Variants in RABL2B observed in about 807,000 individuals in gnomAD.
RABL2B encodes the protein RAB, member of RAS oncogene family like 2B, also known as rab-like protein 2B.
A neutral mutation model predicts 26.7 loss-of-function variants in RABL2B; 17 were observed. That is an observed-to-expected ratio of 0.64 (90% CI 0.44 to 0.95). The LOEUF (loss-of-function observed/expected upper bound fraction) is 0.95. Ranked by LOEUF, RABL2B falls within the 40% of genes least tolerant of loss-of-function variation. The pLI is 0.00. For synonymous variants in RABL2B, 70 were observed against 103.9 expected (o/e 0.67, Z 1.99); for missense variants, 170 against 277.2 (o/e 0.61, Z 2.75).
chr22:50,776,261 C>T (rs1266482708), intron 4 of RABL2B, among the ~76,000 whole-genome samples: 7 of 152,292 alleles, frequency 4.6e-5, no homozygotes, highest in Admixed American at 1.3e-4. Context: ...GATTATGACC[C>T]GATGGAAGGT....
intron 2 of RABL2B, among the ~76,000 whole-genome samples, chr22:50,778,948 C>A (rs1236175905): frequency 6.7e-6 from 1 of 149,678 alleles, no homozygotes; most frequent in Non-Finnish European, 1.5e-5. Context: ...GAAACAGCAC[C>A]CTTACTATAA....
At chr22:50,782,692 CCA>C (rs1569202127) in intron 1 of RABL2B, 1 of 279,778 alleles carries the variant, frequency 3.6e-6, no homozygotes, top group Non-Finnish European at 7.2e-6. Context: ...GAGAATGTAA[CCA>C]CAGTCCAGAC....
chr22:50,773,463 T>C (rs556197666), intron 5 of RABL2B, among the ~76,000 whole-genome samples: 3 of 152,176 alleles, frequency 2.0e-5, no homozygotes, highest in Admixed American at 6.5e-5. Context: ...CACGTGTGTC[T>C]TTCCACCTGG....
chr22:50,777,897 C>T lies in RABL2B; in HGVS notation c.137+55G>A, dbSNP rs368936526. On this transcript the variant is annotated intron_variant, in intron 3 of 8. Coordinates refer to ENST00000691320, the MANE Select transcript of RABL2B (RefSeq NM_001130919.3). Reference sequence around the variant, plus strand: ...AGGTGTGGGCAGTGGGACACTGATACATGAGCGTGGGAAGACCCACAGGAA... The same window carrying T: ...AGGTGTGGGCAGTGGGACACTGATATATGAGCGTGGGAAGACCCACAGGAA... 2.5e-6 allele frequency: 4 copies of T among 1,613,580 alleles called. No individual in the cohort carries two copies. In the African/African-American group the frequency reaches 4.0e-5, roughly 16 times the overall value.
chr22:50,777,523 G>A (rs1220984182), intron 3 of RABL2B: 1 of 279,022 alleles, frequency 3.6e-6, no homozygotes, highest in Non-Finnish European at 6.9e-6. Context: ...ACAATTCATG[G>A]GAGAAAGGTG....
chr22:50,769,605 T>C, intron 6 of RABL2B, 53 bp from the exon 7 acceptor site: 1 of 1,611,622 alleles, frequency 6.2e-7, no homozygotes, highest in Non-Finnish European at 8.5e-7. Context: ...GGGAAGAAGG[T>C]TTGGAGGGGG....
chr22:50,768,623 A>C lies in RABL2B; in HGVS notation c.*153T>G. 5.4e-6 allele frequency: 8 copies of C among 1,471,114 alleles called. No individual in the cohort carries two copies. The highest frequency in any genetic ancestry group is 6.3e-6 in the Non-Finnish European group (7 of 1,107,178). 91.1% of individuals were successfully genotyped at this position (1,471,114 alleles called of 1,614,324 possible). On this transcript the variant is annotated 3_prime_UTR_variant, in exon 9 of 9. Coordinates refer to ENST00000691320, the MANE Select transcript of RABL2B (RefSeq NM_001130919.3). ...TTGCTGGTGCTGACCTCATCCCTGT[A>C]TCACGGGCCTAGAATGTGGGAGGCT...
At chr22:50,778,101 C>G (rs1455963886) in intron 2 of RABL2B, 120 bp from the exon 3 acceptor site, 1 of 1,329,068 alleles carries the variant, frequency 7.5e-7, no homozygotes, top group Non-Finnish European at 1.1e-6. Context: ...CCCTTTCACT[C>G]CACAGCCACA....
chr22:50,777,326 T>C (rs1555925185), intron 3 of RABL2B, among the ~76,000 whole-genome samples: 1 of 151,244 alleles, frequency 6.6e-6, no homozygotes. Flanking sequence ...CAGGAGCACT[T>C]GGTACAAGGT....
intron 4 of RABL2B, 82 bp from the exon 5 acceptor site, chr22:50,775,933 A>T (rs2084916580): frequency 6.6e-7 from 1 of 1,515,178 alleles, no homozygotes; most frequent in Non-Finnish European, 9.2e-7. Context: ...TGCGGCACAA[A>T]CCACAGCACA....
intron 3 of RABL2B, 123 bp downstream of exon 3, chr22:50,777,829 T>C: frequency 6.7e-7 from 1 of 1,488,292 alleles, no homozygotes; most frequent in Non-Finnish European, 9.4e-7. Flanking sequence ...ACAAAACCTG[T>C]GCGTTCACTT....
chr22:50,768,437 A>G lies in RABL2B; in HGVS notation c.*339T>C, dbSNP rs375481511. 6 of 373,858 alleles carry G rather than the reference A, an allele frequency of 1.6e-5. No homozygotes were observed. The highest frequency in any genetic ancestry group is 8.4e-5 in the African/African-American group (4 of 47,872). 23.2% of individuals were successfully genotyped at this position (373,858 alleles called of 1,614,324 possible). ...AACAAAAACAAAAACAAAAACACCA[A>G]AAAACACCTAAATTTCCTGTATTAA... On this transcript the variant is annotated 3_prime_UTR_variant, in exon 9 of 9. Coordinates refer to ENST00000691320, the MANE Select transcript of RABL2B (RefSeq NM_001130919.3).
At chr22:50,776,788 G>C (rs1555924713) in intron 3 of RABL2B, 39 bp from the exon 4 acceptor site, 2 of 1,577,432 alleles carry the variant, frequency 1.3e-6, no homozygotes, top group Non-Finnish European at 1.7e-6. Context: ...TAAAAGGGGA[G>C]GTAAGGAAGG....
In RABL2B at chr22:50,767,523, T is replaced by C; in HGVS notation, c.*1253A>G. 3.0e-6 allele frequency: 1 copy of C among 336,212 alleles called. No individual in the cohort carries two copies. The allele number at this position is 336,212 out of a possible 1,614,324, so 20.8% of individuals were successfully genotyped here. A position where few individuals can be genotyped will look rare whatever the true frequency, so the allele number is the denominator to read the frequency against. On this transcript the variant is annotated 3_prime_UTR_variant, in exon 9 of 9. Transcript: ENST00000691320. Reference sequence around the variant, plus strand: ...ACTCAATGTTTATGTAATTCAGCCTTTACTGTAAAAAAGGAAACAACAAAA... The same window carrying C: ...ACTCAATGTTTATGTAATTCAGCCTCTACTGTAAAAAAGGAAACAACAAAA...
Position 50,782,297 on chromosome 22 carries a change from G to C in RABL2B, c.-3C>G, listed in dbSNP as rs782046556. The C allele has an allele frequency of 5.4e-6, 8 of 1,493,300 alleles. No homozygotes were observed. Among genetic ancestry groups the C allele is most frequent in the Non-Finnish European group, 7.2e-6 (8 of 1,107,442 alleles). 92.5% of individuals were successfully genotyped at this position (1,493,300 alleles called of 1,614,324 possible). Reference sequence around the variant, plus strand: ...GGTTTGGTTTTGTCTTCTGCCATTGGCTCCTAGCTGTAGAGAGGGGTCCAG... The same window carrying C: ...GGTTTGGTTTTGTCTTCTGCCATTGCCTCCTAGCTGTAGAGAGGGGTCCAG... On this transcript the variant is annotated 5_prime_UTR_variant, in exon 2 of 9. Transcript: ENST00000691320.
chr22:50,779,955 T>C lies in RABL2B; in HGVS notation c.108-1974A>G, dbSNP rs1485269957. On this transcript the variant is annotated intron_variant, in intron 2 of 8. Coordinates refer to ENST00000691320, the MANE Select transcript of RABL2B (RefSeq NM_001130919.3). ...GAGATTGCCCCACTGTACTGCAGCCTGGGTGACAGAGCAAGACTCTGTCTC... is the reference window on the plus strand; with the variant it reads ...GAGATTGCCCCACTGTACTGCAGCCCGGGTGACAGAGCAAGACTCTGTCTC... Among the ~76,000 whole-genome samples the C allele has an allele frequency of 2.0e-5, 3 of 152,180 alleles. No individual in the cohort carries two copies. The East Asian group carries it at 5.8e-4, about 29-fold the overall frequency.
chr22:50,780,967 T>G (rs1555928329), intron 2 of RABL2B, among the ~76,000 whole-genome samples: 1 of 152,178 alleles, frequency 6.6e-6, no homozygotes, highest in Non-Finnish European at 1.5e-5. Context: ...ATTTATTGGG[T>G]AACCTTCCCA....
chr22:50,775,819 G>T lies in RABL2B; in HGVS notation c.250C>A (p.Gln84Lys), dbSNP rs782154691. Residue 84 changes from glutamine to lysine, a missense_variant, in exon 5 of 9, where the codon CAG becomes AAG. Transcript: ENST00000691320. ...FWDTAGQERF[Q>K]SMHASYYHKA... ...TGGTAGTAGGAGGCATGCATGCTCTGGAACCGCTCCTGGCCTGCCGTGTCC... is the reference window on the plus strand; with the variant it reads ...TGGTAGTAGGAGGCATGCATGCTCTTGAACCGCTCCTGGCCTGCCGTGTCC... 6.2e-6 allele frequency: 10 copies of T among 1,614,070 alleles called. No individual in the cohort carries two copies. The highest frequency in any genetic ancestry group is 1.1e-5 in the South Asian group (1 of 91,086).
chr22:50,780,523 G>A, intron 2 of RABL2B: 1 of 368,316 alleles, frequency 2.7e-6, no homozygotes, highest in South Asian at 2.2e-5. Flanking sequence ...TAGCCCAACT[G>A]AGTTTAGATT....
Sources: allele counts gnomAD v4.1 joint callset (sites outside exome capture counted in the v4.1 genomes callset), GRCh38; gene constraint gnomAD v4.1.1; transcripts MANE v1.5; gene names NCBI Gene and HGNC (gene_info 2026-07-23, HGNC 2026-07-21).